MSI2: variants seen among roughly 807,000 people sequenced by gnomAD.
The protein encoded by MSI2 is RNA-binding protein Musashi homolog 2.
MSI2 carries 17 observed loss-of-function variants against 45.6 expected under a neutral mutation model. That is an observed-to-expected ratio of 0.37 (90% CI 0.26 to 0.56). MSI2 has a LOEUF of 0.56. MSI2 is among the 20% of genes least tolerant of loss of function. The pLI is 0.77. For synonymous variants in MSI2, 156 were observed against 158.2 expected (o/e 0.99, Z 0.11); for missense variants, 293 against 444.2 (o/e 0.66, Z 3.06).
intron 8 of MSI2, among the ~76,000 whole-genome samples, chr17:57,610,157 GA>G (rs946522273): frequency 1.1e-4 from 17 of 151,284 alleles, no homozygotes; most frequent in African/African-American, 3.4e-4. Flanking sequence ...CTCTCAAATG[GA>G]AAAAAAAATC....
chr17:57,643,887 C>G (rs1189923125), intron 10 of MSI2, among the ~76,000 whole-genome samples: 3 of 152,252 alleles, frequency 2.0e-5, no homozygotes, highest in African/African-American at 7.2e-5. Flanking sequence ...CTCCTTTAGG[C>G]AACAGGACCA....
At chr17:57,572,986 A>C (rs1475353062) in intron 7 of MSI2, among the ~76,000 whole-genome samples, 1 of 152,094 alleles carries the variant, frequency 6.6e-6, no homozygotes, top group Non-Finnish European at 1.5e-5. Context: ...GTGCCCGACA[A>C]CTCCGTCTGA....
At chr17:57,487,648 A>T (rs533077665) in intron 6 of MSI2, among the ~76,000 whole-genome samples, 1 of 152,108 alleles carries the variant, frequency 6.6e-6, no homozygotes, top group Admixed American at 6.5e-5. Flanking sequence ...GGTGAGGCTG[A>T]TGAGGTCCTC....
At chr17:57,295,988 C>G (rs1910896606) in intron 5 of MSI2, among the ~76,000 whole-genome samples, 1 of 117,522 alleles carries the variant, frequency 8.5e-6, no homozygotes, top group Non-Finnish European at 1.6e-5. Context: ...TTCACGCAGC[C>G]TTCCTTTTTT....
At chr17:57,645,069 G>A (rs560858740) in intron 10 of MSI2, among the ~76,000 whole-genome samples, 1 of 152,310 alleles carries the variant, frequency 6.6e-6, no homozygotes, top group African/African-American at 2.4e-5. Flanking sequence ...CCCTTTCAGT[G>A]GTAACTAAAA....
At chr17:57,659,456 A>G (rs1297504753) in intron 11 of MSI2, among the ~76,000 whole-genome samples, 1 of 152,088 alleles carries the variant, frequency 6.6e-6, no homozygotes, top group Non-Finnish European at 1.5e-5. Flanking sequence ...CCACCCTGGG[A>G]GACGGTCAGG....
At chr17:57,617,961 C>A (rs1907883866) in intron 9 of MSI2, 1 of 152,126 alleles carries the variant, frequency 6.6e-6, no homozygotes, top group African/African-American at 2.4e-5. Flanking sequence ...ATCCCAGCTA[C>A]TTGGGAAGCT....
intron 12 of MSI2, among the ~76,000 whole-genome samples, chr17:57,676,149 T>C (rs1913212589): frequency 6.6e-6 from 1 of 152,256 alleles, no homozygotes; most frequent in Non-Finnish European, 1.5e-5. Flanking sequence ...ACAAAACATG[T>C]GCAGACAGTC....
At chr17:57,336,345 AAGTC>A (rs1282456138) in intron 5 of MSI2, among the ~76,000 whole-genome samples, 1 of 152,192 alleles carries the variant, frequency 6.6e-6, no homozygotes, top group East Asian at 1.9e-4. Flanking sequence ...TTGGAGGTGA[AAGTC>A]AGCGTTTGGA....
At chr17:57,693,135 T>C in the MSI2 span, among the ~76,000 whole-genome samples, 12 of 152,192 alleles carry the variant, frequency 7.9e-5, no homozygotes, top group East Asian at 2.3e-3. Flanking sequence ...TTTTTAACTC[T>C]TTTTTTCTCC....
At chr17:57,482,456 C>T (rs16958490) in intron 6 of MSI2, among the ~76,000 whole-genome samples, 4,001 of 152,282 alleles carry the variant, frequency 0.026, 167 homozygotes, top group African/African-American at 0.09. Flanking sequence ...TGATTTCTTG[C>T]TGCTTGTTAA....
At chr17:57,457,850 A>G (rs949707495) in intron 6 of MSI2, among the ~76,000 whole-genome samples, 1 of 152,198 alleles carries the variant, frequency 6.6e-6, no homozygotes, top group Non-Finnish European at 1.5e-5. Context: ...TCAAGAATGC[A>G]GTGAGTTATG....
Position 57,280,350 on chromosome 17 carries a change from TG to T in MSI2, c.312+18163del, listed in dbSNP as rs1156799170. On this transcript the variant is annotated intron_variant, in intron 5 of 13. Coordinates refer to ENST00000284073, the MANE Select transcript of MSI2 (RefSeq NM_138962.4). The surrounding 1 kb of genome is among the most constrained non-coding windows in gnomAD (Gnocchi z 4.2). ...GGCTTGTGGGTACCCCAGGGGGCTG[TG>T]GGGGAATCAGTGAGTAAGTTGTTGT... 7.2e-5 allele frequency among the ~76,000 whole-genome samples: 11 copies of T among 152,242 alleles called. No homozygotes were observed. The East Asian group carries it at 1.5e-3, about 21-fold the overall frequency.
At chr17:57,623,100 T>C (rs1908467873) in intron 9 of MSI2, among the ~76,000 whole-genome samples, 1 of 152,154 alleles carries the variant, frequency 6.6e-6, no homozygotes, top group Non-Finnish European at 1.5e-5. Flanking sequence ...CAACTCAGGG[T>C]GATTCTGGGG....
rs1042474321 is a variant in MSI2, at chr17:57,680,586, T to C, written c.*1069T>C. 3.1e-5 allele frequency: 7 copies of C among 227,020 alleles called. No homozygotes were observed. Among genetic ancestry groups the C allele is most frequent in the African/African-American group, 1.6e-4 (7 of 44,990 alleles). 14.1% of individuals were successfully genotyped at this position (227,020 alleles called of 1,614,324 possible). A position where few individuals can be genotyped will look rare whatever the true frequency, so the allele number is the denominator to read the frequency against. On this transcript the variant is annotated 3_prime_UTR_variant, in exon 14 of 14. Coordinates refer to ENST00000284073, the MANE Select transcript of MSI2 (RefSeq NM_138962.4). ...ATAGACCTAAGAACTGTATTAGTGT[T>C]GTACCAGCCTATTAACCTCTTGTCT...
intron 5 of MSI2, among the ~76,000 whole-genome samples, chr17:57,394,785 C>T (rs936529017): frequency 6.6e-6 from 1 of 152,184 alleles, no homozygotes; most frequent in African/African-American, 2.4e-5. Flanking sequence ...CCTCTTCCCC[C>T]ATAATTGATA....
intron 10 of MSI2, among the ~76,000 whole-genome samples, chr17:57,648,372 C>A (rs906075228): frequency 6.6e-6 from 1 of 152,188 alleles, no homozygotes; most frequent in Non-Finnish European, 1.5e-5. Flanking sequence ...ATTAATCCTG[C>A]ACTAAAATGG....
chr17:57,448,433 G>A (rs1305663020), intron 6 of MSI2: 7 of 152,342 alleles, frequency 4.6e-5, no homozygotes, highest in African/African-American at 7.2e-5. Flanking sequence ...GGTGTGTGGC[G>A]GGTTTTGGCA....
At chr17:57,618,584 G>A (rs749136740) in intron 9 of MSI2, among the ~76,000 whole-genome samples, 9 of 151,978 alleles carry the variant, frequency 5.9e-5, no homozygotes, top group Non-Finnish European at 7.4e-5. Flanking sequence ...TCGCTCTGTC[G>A]CCAGGCTGGA....
Sources: gnomAD v4.1 joint callset for allele counts (sites outside exome capture counted in the v4.1 genomes callset) on GRCh38, gnomAD v4.1.1 for gene constraint, Gnocchi (gnomAD v3.1) non-coding constraint, MANE v1.5 for transcripts, NCBI Gene and HGNC (gene_info 2026-07-23, HGNC 2026-07-21) for gene names.